CNTLN: variants seen among roughly 807,000 people sequenced by gnomAD.
CNTLN encodes the protein centlein, centrosomal protein.
CNTLN carries 212 observed loss-of-function variants against 180.0 expected under a neutral mutation model. That is an observed-to-expected ratio of 1.18 (90% CI 1.05 to 1.32). The LOEUF (loss-of-function observed/expected upper bound fraction) is 1.32, where lower values mean the gene tolerates loss of function less well. Among genes scored for constraint, CNTLN ranks in the 40% most tolerant of loss-of-function variants. The pLI is 0.00. For missense variants in CNTLN, 2,095 were observed against 1,610.9 expected (o/e 1.30, Z -5.14); for synonymous variants, 722 against 563.1 (o/e 1.28, Z -3.99).
chr9:17,310,575 G>A (rs944223399), intron 8 of CNTLN, among the ~76,000 whole-genome samples: 3 of 152,018 alleles, frequency 2.0e-5, no homozygotes, highest in Non-Finnish European at 4.4e-5. Flanking sequence ...GCATCTTTGT[G>A]GGTTATATAT....
chr9:17,403,182 A>C (rs1348997861), intron 15 of CNTLN, among the ~76,000 whole-genome samples: 1 of 151,722 alleles, frequency 6.6e-6, no homozygotes, highest in Non-Finnish European at 1.5e-5. Flanking sequence ...AGATACACAC[A>C]AAGCCCATTC....
At chr9:17,340,125 A>G (rs1345058579) in intron 10 of CNTLN, among the ~76,000 whole-genome samples, 2 of 152,278 alleles carry the variant, frequency 1.3e-5, no homozygotes, top group East Asian at 3.9e-4. Context: ...AGCCTGGGCC[A>G]CAGAGGGAAG....
At chr9:17,159,943 T>C (rs1273359231) in intron 2 of CNTLN, among the ~76,000 whole-genome samples, 1 of 152,218 alleles carries the variant, frequency 6.6e-6, no homozygotes, top group Non-Finnish European at 1.5e-5. Context: ...TCAATCATCA[T>C]CTCTCAATGT....
At chr9:17,223,088 C>T (rs934468821) in intron 2 of CNTLN, among the ~76,000 whole-genome samples, 10 of 151,964 alleles carry the variant, frequency 6.6e-5, no homozygotes, top group African/African-American at 2.4e-4. Context: ...CGGTAATAGG[C>T]AGGTTGTGTT....
At chr9:17,481,742 G>A (rs570542308) in intron 23 of CNTLN, among the ~76,000 whole-genome samples, 2 of 152,334 alleles carry the variant, frequency 1.3e-5, no homozygotes, top group South Asian at 4.1e-4. Flanking sequence ...AGCATAGCCT[G>A]TGATCCTGCC....
Position 17,138,417 on chromosome 9 carries a change from C to A in CNTLN, c.360+2992C>A, listed in dbSNP as rs183873128. ...ATTAGTTTCATCATTAAAGCTCATC[C>A]ACTTTAATGATGAAACCAACTTTTG... On this transcript the variant is annotated intron_variant, in intron 1 of 25. Coordinates refer to ENST00000380647, the MANE Select transcript of CNTLN (RefSeq NM_017738.4). Among the ~76,000 whole-genome samples the A allele has an allele frequency of 7.1e-3, 1,086 of 152,170 alleles. 10 individuals are homozygous for A. The highest frequency in any genetic ancestry group is 8.6e-3 in the African/African-American group (355 of 41,516).
intron 8 of CNTLN, among the ~76,000 whole-genome samples, chr9:17,312,475 C>G (rs1297176150): frequency 6.7e-6 from 1 of 150,136 alleles, no homozygotes. Flanking sequence ...CAAGCTCCGC[C>G]TCCTGGGCTC....
intron 2 of CNTLN, among the ~76,000 whole-genome samples, chr9:17,214,717 C>A (rs146658401): frequency 6.6e-6 from 1 of 152,336 alleles, no homozygotes; most frequent in African/African-American, 2.4e-5. Flanking sequence ...TTGGTCTTTT[C>A]ACATAGTCAT....
At position 17,141,106 on chromosome 9, in the gene CNTLN, T is replaced by G. The variant is rs529577229; in HGVS notation, c.361-2182T>G. 8.5e-5 allele frequency among the ~76,000 whole-genome samples: 13 copies of G among 152,290 alleles called. No homozygotes were observed. In the South Asian group the frequency reaches 2.7e-3, roughly 32 times the overall value. On this transcript the variant is annotated intron_variant, in intron 1 of 25. Transcript: ENST00000380647. The stretch of plus-strand genomic sequence containing the variant: ...CTTTAAGTTTCCAACAGCACTTATA[T>G]TTCATTGACAGAACTTAGTCATATA...
At chr9:17,270,696 C>G (rs1827870320) in intron 5 of CNTLN, among the ~76,000 whole-genome samples, 1 of 152,072 alleles carries the variant, frequency 6.6e-6, no homozygotes, top group Non-Finnish European at 1.5e-5. Flanking sequence ...TAGACCTTAC[C>G]TTTAAACCTT....
rs1824331052 is a variant in CNTLN, at chr9:17,371,677, C to T, written c.1987+4960C>T. Among the ~76,000 whole-genome samples, 5 of 152,232 alleles carry T rather than the reference C, an allele frequency of 3.3e-5. No individual in the cohort carries two copies. In the South Asian group the frequency reaches 1.0e-3, roughly 32 times the overall value. ...GCAGAATACACATTCTTCTCCCCAGCACATCGATCATTCTCGAGGACAGAC... is the reference window on the plus strand; with the variant it reads ...GCAGAATACACATTCTTCTCCCCAGTACATCGATCATTCTCGAGGACAGAC... On this transcript the variant is annotated intron_variant, in intron 13 of 25. Coordinates refer to ENST00000380647, the MANE Select transcript of CNTLN (RefSeq NM_017738.4).
chr9:17,269,209 C>T (rs1587426695), intron 5 of CNTLN, among the ~76,000 whole-genome samples: 1 of 152,142 alleles, frequency 6.6e-6, no homozygotes, highest in Non-Finnish European at 1.5e-5. Flanking sequence ...AATATCTCTT[C>T]CAAATCCAAC....
At chr9:17,209,422 A>G (rs553816333) in intron 2 of CNTLN, among the ~76,000 whole-genome samples, 18 of 152,220 alleles carry the variant, frequency 1.2e-4, no homozygotes, top group Non-Finnish European at 2.4e-4. Context: ...ATCTGTAACT[A>G]CTTATTAGAT....
Position 17,187,793 on chromosome 9 carries a change from CTT to C in CNTLN, c.450-38408_450-38407del, listed in dbSNP as rs991259307. Among the ~76,000 whole-genome samples the C allele has an allele frequency of 3.2e-4, 49 of 151,364 alleles. 1 individual carries two copies. The highest frequency in any genetic ancestry group is 1.2e-3 in the African/African-American group (48 of 41,374). On this transcript the variant is annotated intron_variant, in intron 2 of 25. Transcript: ENST00000380647. ...ATGATGAATGTATTTGAACATAAGT[CTT>C]TGCTTGAAAATCTTGAGTCCAATAT... is the stretch of plus-strand genomic sequence containing the variant.
At chr9:17,293,437 G>A (rs1035100470) in intron 6 of CNTLN, among the ~76,000 whole-genome samples, 1 of 152,192 alleles carries the variant, frequency 6.6e-6, no homozygotes, top group Non-Finnish European at 1.5e-5. Flanking sequence ...CAGTCCCAGC[G>A]ACATCAGAGT....
intron 5 of CNTLN, among the ~76,000 whole-genome samples, chr9:17,264,288 T>G (rs993777057): frequency 6.6e-6 from 1 of 150,914 alleles, no homozygotes; most frequent in Non-Finnish European, 1.5e-5. Context: ...CAGCACCACT[T>G]ATTAAATAGG....
intron 2 of CNTLN, among the ~76,000 whole-genome samples, chr9:17,193,384 A>G (rs2131823170): frequency 6.6e-6 from 1 of 152,288 alleles, no homozygotes; most frequent in African/African-American, 2.4e-5. Flanking sequence ...GTTACTTCCC[A>G]GATACAATGG....
At chr9:17,314,297 G>T (rs1184354302) in intron 8 of CNTLN, among the ~76,000 whole-genome samples, 2 of 151,866 alleles carry the variant, frequency 1.3e-5, no homozygotes, top group Non-Finnish European at 2.9e-5. Flanking sequence ...GTCATACATT[G>T]TTTCTTCTAA....
chr9:17,326,243 T>C (rs1006769140), intron 8 of CNTLN, among the ~76,000 whole-genome samples: 6 of 152,048 alleles, frequency 3.9e-5, no homozygotes, highest in East Asian at 1.9e-4. Context: ...AGTATAGCAC[T>C]ATACCATTGT....
Sources: allele counts gnomAD v4.1 joint callset (sites outside exome capture counted in the v4.1 genomes callset), GRCh38; gene constraint gnomAD v4.1.1; transcripts MANE v1.5; gene names NCBI Gene and HGNC (gene_info 2026-07-23, HGNC 2026-07-21).